Variants in CKB observed in about 807,000 individuals in gnomAD.
CKB encodes the protein creatine kinase B.
CKB carries 15 observed loss-of-function variants against 36.9 expected under a neutral mutation model. The observed-to-expected ratio is 0.41, with a 90% CI of 0.27 to 0.63. The LOEUF (loss-of-function observed/expected upper bound fraction) is 0.63, where lower values mean the gene tolerates loss of function less well. Ranked by LOEUF, CKB falls within the 20% of genes least tolerant of loss-of-function variation. CKB has a pLI of 0.34. For synonymous variants in CKB, 250 were observed against 228.2 expected, an observed-to-expected ratio of 1.10 and a Z score of -0.86; for missense variants, 413 against 534.9, an observed-to-expected ratio of 0.77 and a Z score of 2.25.
Position 103,522,509 on chromosome 14 carries a change from C to T in CKB, c.-12-4G>A. 1 of 1,357,856 alleles carries T rather than the reference C, an allele frequency of 7.4e-7. No individual in the cohort carries two copies. Among genetic ancestry groups the T allele is most frequent in the South Asian group, 1.1e-5 (1 of 87,026 alleles). 84.1% of individuals were successfully genotyped at this position (1,357,856 alleles called of 1,614,324 possible). ...AGAAGGGCATGGCGGCGGCGGGCTGCGGGGAGACGCGGGGTCAGAGGGGAC... is the reference window on the plus strand; with the variant it reads ...AGAAGGGCATGGCGGCGGCGGGCTGTGGGGAGACGCGGGGTCAGAGGGGAC... On this transcript the variant is annotated splice_region_variant and splice_polypyrimidine_tract_variant and intron_variant, in intron 1 of 7. Coordinates refer to ENST00000348956, the MANE Select transcript of CKB (RefSeq NM_001823.5). The surrounding 1 kb of genome is among the most constrained non-coding windows in gnomAD (Gnocchi z 6.7).
In CKB at chr14:103,520,030, G is replaced by C. The variant is rs769802932; in HGVS notation, c.980C>G (p.Thr327Arg). 6.2e-7 allele frequency: 1 copy of C among 1,610,198 alleles called. No individual in the cohort carries two copies. Among genetic ancestry groups the C allele is most frequent in the Non-Finnish European group, 8.5e-7 (1 of 1,179,836 alleles). The part of the protein sequence containing the change: ...LQKRGTGGVD[T>R]AAVGGVFDVS... ...GTCGAAGACCCCGCCCACCGCAGCC[G>C]TGTCCACACCGCCTGGGGAGACAGC... The change falls in exon 8 of 8, where the codon ACG becomes AGG. Residue 327 changes from threonine (T) to arginine (R), a missense_variant. By Grantham distance (71) the Thr-to-Arg change is moderately conservative (BLOSUM62 -1). This residue lies in a region of CKB where 314 missense variants were observed against 409.4 expected (regional missense o/e 0.77). Coordinates refer to ENST00000348956, the MANE Select transcript of CKB (RefSeq NM_001823.5).
At position 103,522,557 on chromosome 14, in the gene CKB, T is replaced by C. The variant is rs2142232488; in HGVS notation, c.-12-52A>G. 11 of 524,938 alleles carry C rather than the reference T, an allele frequency of 2.1e-5. No homozygotes were observed. Among genetic ancestry groups the C allele is most frequent in the Non-Finnish European group, 3.3e-5 (11 of 334,132 alleles). 32.5% of individuals were successfully genotyped at this position (524,938 alleles called of 1,614,324 possible). On this transcript the variant is annotated intron_variant, in intron 1 of 7. Transcript: ENST00000348956. The surrounding 1 kb of genome is among the most constrained non-coding windows in gnomAD (Gnocchi z 6.7). The stretch of plus-strand genomic sequence containing the variant: ...GACCGGCACGCCGGGGTTCCCGGGC[T>C]CCCGCGTACCACTCAGGCCCCCGCC...
rs1482996748 is a variant in CKB at position 103,522,098 on chromosome 14, G to T, written c.273C>A (p.Pro91=). 1 of 1,580,378 alleles carries T rather than the reference G, an allele frequency of 6.3e-7. No individual in the cohort carries two copies. Among genetic ancestry groups the T allele is most frequent in the Non-Finnish European group, 8.6e-7 (1 of 1,163,820 alleles). ...AGCCGCCGTGCCGGTCCTCGATGATGGGGTCGAAGAGATCCTTGAACACTT... is the reference window on the plus strand; with the variant it reads ...AGCCGCCGTGCCGGTCCTCGATGATTGGGTCGAAGAGATCCTTGAACACTT... ...SYEVFKDLFD[P]IIEDRHGGYK... The change falls in exon 3 of 8, where the codon CCC becomes CCA. Residue 91 remains proline, a synonymous_variant. Coordinates refer to ENST00000348956, the MANE Select transcript of CKB (RefSeq NM_001823.5). This position sits in a 1 kb window ranked among gnomAD's most constrained non-coding sequence, Gnocchi z 6.7.
rs550759782 is a variant in CKB, at chr14:103,520,639, C to T, written c.654-47G>A. 1.4e-5 allele frequency: 22 copies of T among 1,574,126 alleles called. No individual in the cohort carries two copies. In the Admixed American group the frequency reaches 1.6e-4, roughly 12 times the overall value. On this transcript the variant is annotated intron_variant, in intron 5 of 7. Transcript: ENST00000348956. ...GGCATACCCAGAAAAAAGCCCCAGG[C>T]CGCCCCCAGACCAAAGGAACTTCCC...
chr14:103,522,502 C>G lies in CKB; in HGVS notation c.-9G>C. 2.2e-6 allele frequency: 3 copies of G among 1,376,682 alleles called. No individual in the cohort carries two copies. The highest frequency in any genetic ancestry group is 2.9e-6 in the Non-Finnish European group (3 of 1,037,298). The allele number at this position is 1,376,682 out of a possible 1,614,324, so 85.3% of individuals were successfully genotyped here. On this transcript the variant is annotated 5_prime_UTR_variant, in exon 2 of 8. Coordinates refer to ENST00000348956, the MANE Select transcript of CKB (RefSeq NM_001823.5). This position sits in a 1 kb window ranked among gnomAD's most constrained non-coding sequence, Gnocchi z 6.7. ...CTGTTGGAGAAGGGCATGGCGGCGG[C>G]GGGCTGCGGGGAGACGCGGGGTCAG...
Position 103,521,957 on chromosome 14 carries a change from G to C in CKB, c.349-7C>G, listed in dbSNP as rs1267801461. 1.3e-5 allele frequency: 20 copies of C among 1,569,120 alleles called. No homozygotes were observed. The highest frequency in any genetic ancestry group is 1.9e-5 in the Admixed American group (1 of 53,568). ...GGTCCAGGTCGTCGCCGCCCTGGGA[G>C]GCGAGACGGGAGTGAGCGCCCGAAG... is the stretch of plus-strand genomic sequence containing the variant. On this transcript the variant is annotated splice_region_variant and splice_polypyrimidine_tract_variant and intron_variant, in intron 3 of 7. Transcript: ENST00000348956.
chr14:103,520,015 C>T lies in CKB; in HGVS notation c.995G>A (p.Gly332Glu), dbSNP rs754646078. The T allele has an allele frequency of 1.9e-6, 3 of 1,610,356 alleles. No homozygotes were observed. The change falls in exon 8 of 8, where the codon GGG becomes GAG. Residue 332 changes from glycine to glutamate, a missense_variant. Gly to Glu is a moderately conservative substitution (Grantham distance 98). This residue lies in a region of CKB where 314 missense variants were observed against 409.4 expected (regional missense o/e 0.77). Transcript: ENST00000348956. The stretch of plus-strand genomic sequence containing the variant: ...GTCAGCGTTGGAGACGTCGAAGACC[C>T]CGCCCACCGCAGCCGTGTCCACACC... Reference protein sequence around the residue: ...TGGVDTAAVGGVFDVSNADRL... With the variant: ...TGGVDTAAVGEVFDVSNADRL...
chr14:103,521,475 C>A (rs1035441563), intron 4 of CKB, 41 bp from the exon 5 acceptor site: 1 of 1,458,392 alleles, frequency 6.9e-7, no homozygotes, highest in East Asian at 2.7e-5. Flanking sequence ...CCCGCGCCCG[C>A]CCCTCCAGCC....
Position 103,522,204 on chromosome 14 carries a change from C to T in CKB, c.194-27G>A. Reference sequence around the variant, plus strand: ...TGGGGGAGGGGGCGCGGGACGGGGACAGTGACGTCACTGCCGGGCCCGAGC... The same window carrying T: ...TGGGGGAGGGGGCGCGGGACGGGGATAGTGACGTCACTGCCGGGCCCGAGC... On this transcript the variant is annotated intron_variant, in intron 2 of 7. Transcript: ENST00000348956. The surrounding 1 kb of genome is among the most constrained non-coding windows in gnomAD (Gnocchi z 6.7). 6.3e-7 allele frequency: 1 copy of T among 1,592,224 alleles called. No homozygotes were observed. Among genetic ancestry groups the T allele is most frequent in the South Asian group, 1.1e-5 (1 of 88,986 alleles).
chr14:103,522,002 G>T lies in CKB; in HGVS notation c.348+21C>A, dbSNP rs1265955706. On this transcript the variant is annotated intron_variant, in intron 3 of 7. Transcript: ENST00000348956. The surrounding 1 kb of genome is among the most constrained non-coding windows in gnomAD (Gnocchi z 6.7). ...CCGAAGACCCCGGCCCCGCCCGCCC[G>T]GCCCGCCCGCAGCCCCGCACCTGCA... The T allele has an allele frequency of 2.4e-6, 2 of 837,546 alleles. No individual in the cohort carries two copies. The highest frequency in any genetic ancestry group is 3.5e-5 in the African/African-American group (2 of 57,064). The allele number at this position is 837,546 out of a possible 1,614,324, so 51.9% of individuals were successfully genotyped here.
chr14:103,519,796 G>A lies in CKB; in HGVS notation c.*68C>T, dbSNP rs1040724702. On this transcript the variant is annotated 3_prime_UTR_variant, in exon 8 of 8. Transcript: ENST00000348956. The stretch of plus-strand genomic sequence containing the variant: ...TCGCCAGACGGCGAACATCAGGGGT[G>A]CATGGTGGGCACTGCCCAGGCAATA... 19 of 1,516,672 alleles carry A rather than the reference G, an allele frequency of 1.3e-5. No homozygotes were observed. Among genetic ancestry groups the A allele is most frequent in the African/African-American group, 1.2e-4 (9 of 72,794 alleles). 94.0% of individuals were successfully genotyped at this position (1,516,672 alleles called of 1,614,324 possible). A position where few individuals can be genotyped will look rare whatever the true frequency, so the allele number is the denominator to read the frequency against.
chr14:103,522,801 T>C lies in CKB; in HGVS notation c.-48A>G, dbSNP rs1353623041. ...GGCGGGGGCGGGGGCGCTCCGTCCGTCGGCAGCTCCCGGAGCGACGCAGGC... is the reference window on the plus strand; with the variant it reads ...GGCGGGGGCGGGGGCGCTCCGTCCGCCGGCAGCTCCCGGAGCGACGCAGGC... On this transcript the variant is annotated 5_prime_UTR_variant, in exon 1 of 8. Coordinates refer to ENST00000348956, the MANE Select transcript of CKB (RefSeq NM_001823.5). The surrounding 1 kb of genome is among the most constrained non-coding windows in gnomAD (Gnocchi z 6.7). 3 of 150,592 alleles carry C rather than the reference T, an allele frequency of 2.0e-5. No individual in the cohort carries two copies. The highest frequency in any genetic ancestry group is 2.1e-4 in the South Asian group (1 of 4,814). The allele number at this position is 150,592 out of a possible 1,614,324, so 9.3% of individuals were successfully genotyped here.
At position 103,522,055 on chromosome 14, in the gene CKB, G is replaced by C; in HGVS notation, c.316C>G (p.His106Asp). The stretch of plus-strand genomic sequence containing the variant: ...TTGTCGGGGTTGAGGTCGGTCTTGT[G>C]CTCATCGCTGGGCTTGTAGCCGCCG... ...RHGGYKPSDE[H>D]KTDLNPDNLQ... is the part of the protein sequence containing the mutation. The change falls in exon 3 of 8, where the codon CAC becomes GAC. Residue 106 changes from histidine (H) to aspartate (D), a missense_variant. Coordinates refer to ENST00000348956, the MANE Select transcript of CKB (RefSeq NM_001823.5). The surrounding 1 kb of genome is among the most constrained non-coding windows in gnomAD (Gnocchi z 6.7). The C allele has an allele frequency of 6.4e-7, 1 of 1,552,248 alleles. No individual in the cohort carries two copies. The highest frequency in any genetic ancestry group is 8.7e-7 in the Non-Finnish European group (1 of 1,148,404).
In CKB at chr14:103,522,227, A is replaced by C; in HGVS notation, c.194-50T>G. 1 of 1,548,466 alleles carries C rather than the reference A, an allele frequency of 6.5e-7. No homozygotes were observed. The highest frequency in any genetic ancestry group is 8.7e-7 in the Non-Finnish European group (1 of 1,145,228). On this transcript the variant is annotated intron_variant, in intron 2 of 7. Transcript: ENST00000348956. The surrounding 1 kb of genome is among the most constrained non-coding windows in gnomAD (Gnocchi z 6.7). Reference sequence around the variant, plus strand: ...GACAGTGACGTCACTGCCGGGCCCGAGCGCGCTGCTGAGGACCCTGCGGCT... The same window carrying C: ...GACAGTGACGTCACTGCCGGGCCCGCGCGCGCTGCTGAGGACCCTGCGGCT...
Position 103,521,304 on chromosome 14 carries a change from G to T in CKB, c.612C>A (p.Ala204=). Residue 204 remains alanine (A), a synonymous_variant, in exon 5 of 8, where the codon GCC becomes GCA. Transcript: ENST00000348956. ...FDKPVSPLLL[A]SGMARDWPDA... is the part of the protein sequence containing the mutation. ...CGGGCCAGTCGCGGGCCATGCCCGA[G>T]GCCAGCAGCAGGGGCGACACGGGCT... 1 of 1,606,278 alleles carries T rather than the reference G, an allele frequency of 6.2e-7. No homozygotes were observed. The highest frequency in any genetic ancestry group is 2.2e-5 in the East Asian group (1 of 44,786).
intron 5 of CKB, 41 bp downstream of exon 5, chr14:103,521,222 G>T (rs1253217017): frequency 1.3e-6 from 2 of 1,543,334 alleles, no homozygotes; most frequent in Non-Finnish European, 1.7e-6. Flanking sequence ...GGAGGTAGCG[G>T]GGAGGGAGGA....
rs1365594647 is a variant in CKB, at chr14:103,521,931, G to A, written c.368C>T (p.Pro123Leu). The change falls in exon 4 of 8, where the codon CCC (proline) becomes CTC (leucine). Residue 123 changes from proline (P) to leucine (L), a missense_variant. This residue lies in a region of CKB where 314 missense variants were observed against 409.4 expected (regional missense o/e 0.77). Transcript: ENST00000348956. ...DNLQGGDDLD[P>L]NYVLSSRVRT... Reference sequence around the variant, plus strand: ...CACCCGCGAGCTCAGCACGTAGTTGGGGTCCAGGTCGTCGCCGCCCTGGGA... The same window carrying A: ...CACCCGCGAGCTCAGCACGTAGTTGAGGTCCAGGTCGTCGCCGCCCTGGGA... 1 of 1,581,602 alleles carries A rather than the reference G, an allele frequency of 6.3e-7. No individual in the cohort carries two copies.
Position 103,520,413 on chromosome 14 carries a change from G to A in CKB, c.777+56C>T. 7 of 1,589,202 alleles carry A rather than the reference G, an allele frequency of 4.4e-6. No individual in the cohort carries two copies. In the South Asian group the frequency reaches 7.9e-5, roughly 18 times the overall value. On this transcript the variant is annotated intron_variant, in intron 6 of 7. Coordinates refer to ENST00000348956, the MANE Select transcript of CKB (RefSeq NM_001823.5). ...AAATCCCCCGGGGGGACTGATGCTG[G>A]GGCACCCACATCCCTGCTGGGGCCC...
At chr14:103,521,672 G>T in intron 4 of CKB, 146 bp downstream of exon 4, 1 of 1,068,438 alleles carries the variant, frequency 9.4e-7, no homozygotes, top group Non-Finnish European at 1.2e-6. Flanking sequence ...CCGTCCCTCG[G>T]TCCCTCCGGG....
Sources: gnomAD v4.1 joint callset for allele counts on GRCh38, gnomAD v4.1.1 for gene constraint, gnomAD v4.1.1 regional missense constraint, Gnocchi (gnomAD v3.1) non-coding constraint, MANE v1.5 for transcripts, NCBI Gene and HGNC (gene_info 2026-07-23, HGNC 2026-07-21) for gene names.